Variants in BAD observed in about 807,000 individuals in gnomAD.
BAD encodes bcl2-associated agonist of cell death.
In BAD, 18 loss-of-function variants were observed where a neutral mutation model predicts 17.8. The observed-to-expected ratio is 1.01, with a 90% CI of 0.70 to 1.50. BAD has a LOEUF of 1.50. BAD is among the 40% of genes most tolerant of loss of function. The pLI, the probability that BAD is intolerant of heterozygous loss-of-function variation, is 0.00. For missense variants in BAD, 294 were observed against 239.3 expected (o/e 1.23, Z -1.51); for synonymous variants, 112 against 91.5 (o/e 1.22, Z -1.28).
chr11:64,282,074 T>C (rs1311116073), intron 2 of BAD, among the ~76,000 whole-genome samples: 2 of 152,198 alleles, frequency 1.3e-5, no homozygotes, highest in African/African-American at 4.8e-5. Context: ...CATGATAGGA[T>C]GCTTTTGTGC....
At chr11:64,271,500 G>T in intron 3 of BAD, 113 bp downstream of exon 3, 1 of 1,130,602 alleles carries the variant, frequency 8.8e-7, no homozygotes, top group Non-Finnish European at 1.2e-6. Context: ...GGACGGCTTT[G>T]GGGAGGGGTC....
chr11:64,284,155 G>A, intron 2 of BAD, 27 bp downstream of exon 2: 4 of 1,544,488 alleles, frequency 2.6e-6, no homozygotes, highest in South Asian at 1.2e-5. Flanking sequence ...GAGGTGTCCC[G>A]GCAGGTGGAG....
intron 2 of BAD, among the ~76,000 whole-genome samples, chr11:64,282,750 G>A (rs925334934): frequency 6.6e-6 from 1 of 151,914 alleles, no homozygotes; most frequent in Admixed American, 6.6e-5. Context: ...ATGGTGACAC[G>A]CGCCTGTAGT....
chr11:64,271,864 C>G, intron 2 of BAD, 61 bp from the exon 3 acceptor site: 1 of 1,276,956 alleles, frequency 7.8e-7, no homozygotes, highest in Non-Finnish European at 1.0e-6. Context: ...GCCCCTGGCC[C>G]TGCCTGAACC....
At chr11:64,275,102 C>T (rs918460272) in intron 2 of BAD, among the ~76,000 whole-genome samples, 2 of 151,148 alleles carry the variant, frequency 1.3e-5, no homozygotes, top group African/African-American at 4.9e-5. Flanking sequence ...CTGAGCATCA[C>T]CAAAGCCCAG....
At chr11:64,271,060 GACAC>G (rs1227014220) in intron 3 of BAD, among the ~76,000 whole-genome samples, 1 of 848 alleles carries the variant, frequency 1.2e-3, no homozygotes, top group African/African-American at 1.7e-3. Flanking sequence ...CCCTGTGACT[GACAC>G]ACACACACAC....
intron 2 of BAD, among the ~76,000 whole-genome samples, chr11:64,282,753 C>A (rs1276944139): frequency 5.3e-5 from 8 of 151,966 alleles, no homozygotes; most frequent in Non-Finnish European, 1.5e-5. Flanking sequence ...GTGACACGCG[C>A]CTGTAGTCCC....
chr11:64,282,162 G>A (rs1255825689), intron 2 of BAD, among the ~76,000 whole-genome samples: 4 of 152,164 alleles, frequency 2.6e-5, no homozygotes, highest in Non-Finnish European at 5.9e-5. Context: ...TGGGTTCACC[G>A]AGGCCCCCTA....
At chr11:64,284,037 G>T in intron 2 of BAD, 145 bp downstream of exon 2, 1 of 925,724 alleles carries the variant, frequency 1.1e-6, no homozygotes, top group Non-Finnish European at 1.6e-6. Context: ...GTTATTAATT[G>T]CTGTTTTACG....
At chr11:64,281,116 C>G in intron 2 of BAD, among the ~76,000 whole-genome samples, 1 of 152,170 alleles carries the variant, frequency 6.6e-6, no homozygotes, top group South Asian at 2.1e-4. Context: ...TACAGGCGCC[C>G]ACCACCACGC....
At chr11:64,280,332 A>AAATAAT (rs144682603) in intron 2 of BAD, among the ~76,000 whole-genome samples, 1,731 of 123,428 alleles carry the variant, frequency 0.014, 21 homozygotes, top group East Asian at 0.031. Context: ...AAATAAAATA[A>AAATAAT]AATAATAATA....
chr11:64,277,070 C>G, intron 2 of BAD: 1 of 702,262 alleles, frequency 1.4e-6, no homozygotes, highest in Non-Finnish European at 2.7e-6. Context: ...GAAACAGAGG[C>G]ACACTTAATT....
chr11:64,273,766 C>T (rs1242818953), intron 2 of BAD, among the ~76,000 whole-genome samples: 1 of 147,804 alleles, frequency 6.8e-6, no homozygotes, highest in Non-Finnish European at 1.5e-5. Flanking sequence ...CCTGTAATCC[C>T]AGCTACTCGG....
chr11:64,284,435 A>G (rs1450790063), intron 1 of BAD, 59 bp from the exon 2 acceptor site: 3 of 1,604,960 alleles, frequency 1.9e-6, no homozygotes, highest in African/African-American at 2.7e-5. Flanking sequence ...TGGCCCTGGA[A>G]GGCAGAGGCA....
In BAD at chr11:64,284,640, G is replaced by C. The variant is rs966478908; in HGVS notation, c.-18C>G. The C allele has an allele frequency of 3.9e-6, 6 of 1,530,132 alleles. No individual in the cohort carries two copies. The highest frequency in any genetic ancestry group is 1.7e-4 in the Middle Eastern group (1 of 5,732). 94.8% of individuals were successfully genotyped at this position (1,530,132 alleles called of 1,614,324 possible). A position where few individuals can be genotyped will look rare whatever the true frequency, so the allele number is the denominator to read the frequency against. The stretch of plus-strand genomic sequence containing the variant: ...GGCGCACAGGTCTCACCCCAAGCCC[G>C]ATCTCGAGGCCCCTGACCCGGGCCT... On this transcript the variant is annotated 5_prime_UTR_variant, in exon 1 of 4. In the 5' UTR this introduces an upstream ATG that the reference lacks. Coordinates refer to ENST00000309032, the MANE Select transcript of BAD (RefSeq NM_032989.3).
chr11:64,271,863 C>G lies in BAD; in HGVS notation c.188-60G>C, dbSNP rs2032653844. 20 of 1,276,642 alleles carry G rather than the reference C, an allele frequency of 1.6e-5. No individual in the cohort carries two copies. In the South Asian group the frequency reaches 3.9e-4, roughly 25 times the overall value. 79.1% of individuals were successfully genotyped at this position (1,276,642 alleles called of 1,614,324 possible). A position where few individuals can be genotyped will look rare whatever the true frequency, so the allele number is the denominator to read the frequency against. ...ATCTCAGCTCCTCTAAGCCCCTGGCCCTGCCTGAACCCTCCCCATCAGCTC... is the reference window on the plus strand; with the variant it reads ...ATCTCAGCTCCTCTAAGCCCCTGGCGCTGCCTGAACCCTCCCCATCAGCTC... On this transcript the variant is annotated intron_variant, in intron 2 of 3. Transcript: ENST00000309032.
intron 1 of BAD, 33 bp from the exon 2 acceptor site, chr11:64,284,409 C>T: frequency 6.2e-7 from 1 of 1,610,116 alleles, no homozygotes; most frequent in Non-Finnish European, 8.5e-7. Context: ...AGTCAAGGCA[C>T]AGCTGGGGCC....
At chr11:64,275,959 T>C (rs1836986547) in intron 2 of BAD, among the ~76,000 whole-genome samples, 1 of 152,038 alleles carries the variant, frequency 6.6e-6, no homozygotes, top group African/African-American at 2.4e-5. Flanking sequence ...GCAGAGAGCA[T>C]AGGTAACTTG....
At chr11:64,271,894 G>A (rs2032656644) in intron 2 of BAD, 91 bp from the exon 3 acceptor site, 2 of 1,107,590 alleles carry the variant, frequency 1.8e-6, no homozygotes, top group Admixed American at 4.1e-5. Flanking sequence ...AGCTCTGCAG[G>A]CCCACTCGTG....
Sources: gnomAD v4.1 joint callset for allele counts (sites outside exome capture counted in the v4.1 genomes callset) on GRCh38, gnomAD v4.1.1 for gene constraint, MANE v1.5 for transcripts, NCBI Gene and HGNC (gene_info 2026-07-23, HGNC 2026-07-21) for gene names.